Variants in NALCN observed in about 807,000 individuals in gnomAD.
NALCN encodes the protein sodium leak channel, non-selective.
In NALCN, 111 loss-of-function variants were observed where a neutral mutation model predicts 225.3. The observed-to-expected ratio is 0.49, with a 90% confidence interval of 0.42 to 0.58. The LOEUF is 0.58. Among genes scored for constraint, NALCN ranks in the 20% least tolerant of loss-of-function variants. NALCN has a pLI of 0.00. For synonymous variants in NALCN, 764 were observed against 769.0 expected, an observed-to-expected ratio of 0.99 and a Z score of 0.11; for missense variants, 1,378 against 2,202.4, an observed-to-expected ratio of 0.63 and a Z score of 7.49.
intron 36 of NALCN, 85 bp downstream of exon 36, chr13:101,074,429 A>G: frequency 2.3e-6 from 3 of 1,304,672 alleles, no homozygotes; most frequent in Non-Finnish European, 3.0e-6. Flanking sequence ...CTAGACTTTA[A>G]TAGACAAAAA....
chr13:101,059,529 G>C (rs2031658142), intron 42 of NALCN, among the ~76,000 whole-genome samples: 1 of 151,954 alleles, frequency 6.6e-6, no homozygotes. Context: ...TAACTCTTTA[G>C]ACAAAAATAA....
At chr13:101,071,496 A>G (rs2032883622) in intron 37 of NALCN, among the ~76,000 whole-genome samples, 1 of 152,190 alleles carries the variant, frequency 6.6e-6, no homozygotes, top group South Asian at 2.1e-4. Context: ...TTCTTTCCTT[A>G]AACATAATGA....
intron 10 of NALCN, among the ~76,000 whole-genome samples, chr13:101,268,725 C>T (rs925889284): frequency 6.6e-6 from 1 of 152,110 alleles, no homozygotes; most frequent in Non-Finnish European, 1.5e-5. Flanking sequence ...ATATTTAAAA[C>T]AGAACTTTTC....
In NALCN at chr13:101,089,848, G is replaced by A. The variant is rs762526136; in HGVS notation, c.3388C>T (p.Pro1130Ser). Reference protein sequence around the residue: ...VRDVIIHRVGPIHGIYIHVFV... With the variant: ...VRDVIIHRVGSIHGIYIHVFV... ...AAGGATTCGATGTGCTCGCTTACCG[G>A]CCCCACACGATGAATAATAACATCT... is the stretch of plus-strand genomic sequence containing the variant. The change falls in exon 29 of 44, where the codon CCG becomes TCG. Residue 1130 changes from proline to serine, a missense_variant and splice_region_variant. Around this residue, in one of 19 missense-constraint regions of NALCN, gnomAD observed 292 missense variants for 409.5 expected, o/e 0.71. Transcript: ENST00000251127. The surrounding 1 kb of genome is among the most constrained non-coding windows in gnomAD (Gnocchi z 4.7). 13 of 1,613,884 alleles carry A rather than the reference G, an allele frequency of 8.1e-6. No individual in the cohort carries two copies. The highest frequency in any genetic ancestry group is 2.2e-5 in the South Asian group (2 of 91,080).
At chr13:101,300,233 T>A (rs1043942705) in intron 7 of NALCN, among the ~76,000 whole-genome samples, 5 of 152,126 alleles carry the variant, frequency 3.3e-5, no homozygotes, top group African/African-American at 1.2e-4. Flanking sequence ...TGGGAGGATG[T>A]TACCATCCTA....
rs755839325 is a variant in NALCN, at chr13:101,399,108, T to A, written c.19A>T (p.Ser7Cys). 16 of 1,613,334 alleles carry A rather than the reference T, an allele frequency of 9.9e-6. No homozygotes were observed. The highest frequency in any genetic ancestry group is 1.4e-5 in the Non-Finnish European group (16 of 1,179,538). MLKRKQSSRVEAQPVTD... is the reference protein window; with the variant it reads MLKRKQCSRVEAQPVTD... Reference sequence around the variant, plus strand: ...ACTGGCTGGGCTTCCACCCTGGAACTCTGCTTCCTTTTGAGCATGCTGAGG... The same window carrying A: ...ACTGGCTGGGCTTCCACCCTGGAACACTGCTTCCTTTTGAGCATGCTGAGG... The change falls in exon 2 of 44, where the codon AGT (serine) becomes TGT (cysteine). Residue 7 changes from serine to cysteine, a missense_variant. Around this residue, in one of 19 missense-constraint regions of NALCN, gnomAD observed 146 missense variants for 205.9 expected, o/e 0.71. Transcript: ENST00000251127.
chr13:101,176,984 G>A (rs539555629), intron 14 of NALCN, among the ~76,000 whole-genome samples: 1 of 152,290 alleles, frequency 6.6e-6, no homozygotes, highest in East Asian at 1.9e-4. Context: ...TATGAGGCTA[G>A]GCAATAAAAT....
In NALCN at chr13:101,065,514, A is replaced by G; in HGVS notation, c.4494T>C (p.Arg1498=). The G allele has an allele frequency of 6.2e-7, 1 of 1,614,076 alleles. No individual in the cohort carries two copies. The highest frequency in any genetic ancestry group is 8.5e-7 in the Non-Finnish European group (1 of 1,179,998). Reference sequence around the variant, plus strand: ...TGTCCAGGTCCACCTCCAGCCTCCCACGCAGTAGCCGCAGCAGGAACTTGA... The same window carrying G: ...TGTCCAGGTCCACCTCCAGCCTCCCGCGCAGTAGCCGCAGCAGGAACTTGA... The part of the protein sequence containing the change: ...FRVKFLLRLL[R]GRLEVDLDKD... Residue 1498 remains arginine, a synonymous_variant, in exon 40 of 44, where the codon CGT becomes CGC. Coordinates refer to ENST00000251127, the MANE Select transcript of NALCN (RefSeq NM_052867.4).
chr13:101,175,020 T>G (rs1403320477), intron 15 of NALCN, among the ~76,000 whole-genome samples: 9 of 152,190 alleles, frequency 5.9e-5, no homozygotes, highest in Non-Finnish European at 1.0e-4. Flanking sequence ...TATTTTTTTC[T>G]GCAACTAGAA....
intron 15 of NALCN, among the ~76,000 whole-genome samples, chr13:101,166,364 A>G (rs1010459325): frequency 6.6e-6 from 1 of 151,642 alleles, no homozygotes; most frequent in Non-Finnish European, 1.5e-5. Flanking sequence ...TCTCATCAAC[A>G]AAGTACAAAT....
At chr13:101,283,063 A>G (rs1303483030) in intron 10 of NALCN, among the ~76,000 whole-genome samples, 1 of 152,208 alleles carries the variant, frequency 6.6e-6, no homozygotes, top group Non-Finnish European at 1.5e-5. Flanking sequence ...CGAGAAGAGG[A>G]TTTGTCACTG....
chr13:101,072,766 C>T lies in NALCN; in HGVS notation c.4197+818G>A, dbSNP rs138979441. On this transcript the variant is annotated intron_variant, in intron 37 of 43. Transcript: ENST00000251127. ...TATGGTGACCACTAGCTCCATGCAG[C>T]GATGTAAATTTAAATTTATGTTAAT... 3.0e-4 allele frequency among the ~76,000 whole-genome samples: 45 copies of T among 151,906 alleles called. No homozygotes were observed. In the South Asian group the frequency reaches 7.7e-3, roughly 26 times the overall value.
intron 14 of NALCN, among the ~76,000 whole-genome samples, chr13:101,185,685 T>C (rs959042910): frequency 4.6e-5 from 7 of 152,238 alleles, no homozygotes; most frequent in East Asian, 1.9e-4. Flanking sequence ...TTGATTTTCA[T>C]TGTGGGCTGA....
chr13:101,197,534 T>A (rs538282831), intron 13 of NALCN, among the ~76,000 whole-genome samples: 1 of 152,322 alleles, frequency 6.6e-6, no homozygotes, highest in African/African-American at 2.4e-5. Context: ...TAAACAACTG[T>A]GTTTACAAGT....
chr13:101,182,133 CAAAAAAAAAAA>C (rs34387567), intron 14 of NALCN, among the ~76,000 whole-genome samples: 155 of 73,440 alleles, frequency 2.1e-3, no homozygotes, highest in African/African-American at 8.4e-3. Flanking sequence ...GACTCCATCT[CAAAAAAAAAAA>C]AAAAAAAAAA....
chr13:101,218,470 G>C (rs2040821134), intron 13 of NALCN, among the ~76,000 whole-genome samples: 1 of 151,998 alleles, frequency 6.6e-6, no homozygotes, highest in African/African-American at 2.4e-5. Flanking sequence ...ACATTCCTTG[G>C]CTTGTAGATG....
In NALCN at chr13:101,124,672, A is replaced by T; in HGVS notation, c.2128T>A (p.Ser710Thr). ...TTCCTTGCCCTGATGCTGAAAACAG[A>T]CTTGCGAAGCTGAAAATGATAAGAG... Reference protein sequence around the residue: ...NKYIDQKLRKSVFSIRARNLL... With the variant: ...NKYIDQKLRKTVFSIRARNLL... Residue 710 changes from serine to threonine, a missense_variant, in exon 18 of 44, where the codon TCT becomes ACT. Physicochemically the swap from Ser to Thr is moderately conservative, Grantham distance 58 (BLOSUM62 1). Coordinates refer to ENST00000251127, the MANE Select transcript of NALCN (RefSeq NM_052867.4). 1 of 1,613,814 alleles carries T rather than the reference A, an allele frequency of 6.2e-7. No homozygotes were observed. The highest frequency in any genetic ancestry group is 2.2e-5 in the East Asian group (1 of 44,878).
intron 13 of NALCN, among the ~76,000 whole-genome samples, chr13:101,192,857 A>C (rs1333748): frequency 6.6e-6 from 1 of 152,142 alleles, no homozygotes; most frequent in South Asian, 2.1e-4. Flanking sequence ...GTCAATAAAT[A>C]CTTTTTAATG....
chr13:101,290,907 T>G (rs2043528344), intron 9 of NALCN, among the ~76,000 whole-genome samples: 1 of 152,202 alleles, frequency 6.6e-6, no homozygotes, highest in Non-Finnish European at 1.5e-5. Flanking sequence ...GGAATTTATA[T>G]TTTCTCTCTC....
Sources: gnomAD v4.1 joint callset for allele counts (sites outside exome capture counted in the v4.1 genomes callset) on GRCh38, gnomAD v4.1.1 for gene constraint, gnomAD v4.1.1 regional missense constraint, Gnocchi (gnomAD v3.1) non-coding constraint, MANE v1.5 for transcripts, NCBI Gene and HGNC (gene_info 2026-07-23, HGNC 2026-07-21) for gene names.